Variants in MAP3K7 observed in about 807,000 individuals in gnomAD.
MAP3K7 encodes TGF-beta activated kinase 1.
Under a neutral mutation model 84.8 loss-of-function variants are expected in MAP3K7, and 21 were observed. The ratio of observed to expected loss-of-function variants is 0.25; its 90% confidence interval spans 0.18 to 0.36. The LOEUF (loss-of-function observed/expected upper bound fraction) is 0.36. MAP3K7 is among the 10% of genes least tolerant of loss of function. MAP3K7 has a pLI of 1.00. For missense variants in MAP3K7, 503 were observed against 747.7 expected (o/e 0.67, Z 3.82); for synonymous variants, 241 against 247.7 (o/e 0.97, Z 0.25).
At chr6:90,585,995 AATTT>A (rs1330462803) in intron 1 of MAP3K7, among the ~76,000 whole-genome samples, 1 of 152,224 alleles carries the variant, frequency 6.6e-6, no homozygotes, top group Non-Finnish European at 1.5e-5. Context: ...ATGATCTACT[AATTT>A]AACAAGCATT....
At chr6:90,537,573 G>A (rs1215757605) in intron 12 of MAP3K7, among the ~76,000 whole-genome samples, 2 of 151,970 alleles carry the variant, frequency 1.3e-5, no homozygotes, top group South Asian at 2.1e-4. Flanking sequence ...TCTTGCAAAT[G>A]TAAGACATCA....
At chr6:90,569,880 CT>C (rs1776842538) in intron 2 of MAP3K7, among the ~76,000 whole-genome samples, 1 of 152,152 alleles carries the variant, frequency 6.6e-6, no homozygotes, top group African/African-American at 2.4e-5. Context: ...TCTTCTTCCT[CT>C]TCTCTATTAC....
At chr6:90,582,659 C>T (rs1343641762) in intron 1 of MAP3K7, among the ~76,000 whole-genome samples, 1 of 152,038 alleles carries the variant, frequency 6.6e-6, no homozygotes, top group Non-Finnish European at 1.5e-5. Context: ...CTTTCCCAAC[C>T]CACGATGGTC....
At chr6:90,541,852 A>G (rs986260589) in intron 12 of MAP3K7, among the ~76,000 whole-genome samples, 10 of 152,044 alleles carry the variant, frequency 6.6e-5, no homozygotes, top group African/African-American at 2.2e-4. Flanking sequence ...TTAAAGATAT[A>G]TATACAAAAC....
In MAP3K7 at chr6:90,556,483, T is replaced by C. The variant is rs773227438; in HGVS notation, c.607+17A>G. The stretch of plus-strand genomic sequence containing the variant: ...GTGAGGGAGATTATCAAACATACCA[T>C]ACTTTTGCCATTTTACCTTCAAAAA... On this transcript the variant is annotated intron_variant, in intron 6 of 16. Coordinates refer to ENST00000369329, the MANE Select transcript of MAP3K7 (RefSeq NM_145331.3). The C allele has an allele frequency of 1.9e-6, 3 of 1,608,208 alleles. No individual in the cohort carries two copies. The highest frequency in any genetic ancestry group is 1.7e-4 in the Middle Eastern group (1 of 6,038).
In MAP3K7 at chr6:90,548,147, G is replaced by A. The variant is rs760227252; in HGVS notation, c.980C>T (p.Thr327Met). The change falls in exon 10 of 17, where the codon ACG (threonine) becomes ATG (methionine). Residue 327 changes from threonine to methionine, a missense_variant. This residue lies in a region of MAP3K7 where 286 missense variants were observed against 313.6 expected (regional missense o/e 0.91). Coordinates refer to ENST00000369329, the MANE Select transcript of MAP3K7 (RefSeq NM_145331.3). ...CATATTAGTGTCACTTTTGTTACTC[G>A]TATTTGTAGAAGCAATGTCCATGAA... is the stretch of plus-strand genomic sequence containing the variant. ...GSFMDIASTN[T>M]SNKSDTNMEQ... 10 of 1,611,388 alleles carry A rather than the reference G, an allele frequency of 6.2e-6. No individual in the cohort carries two copies. Among genetic ancestry groups the A allele is most frequent in the East Asian group, 2.2e-5 (1 of 44,674 alleles).
chr6:90,568,507 C>T, intron 3 of MAP3K7, 51 bp downstream of exon 3: 1 of 1,450,530 alleles, frequency 6.9e-7, no homozygotes, highest in Non-Finnish European at 9.5e-7. Context: ...TACACACACA[C>T]ATCTGCCATG....
In MAP3K7 at chr6:90,577,669, T is replaced by C. The variant is rs112880118; in HGVS notation, c.121-5862A>G. Reference sequence around the variant, plus strand: ...AGACGTTCCAGAAGGAAAGCAGATATAAGGACAGTGAAAGCATATGCCAGT... The same window carrying C: ...AGACGTTCCAGAAGGAAAGCAGATACAAGGACAGTGAAAGCATATGCCAGT... On this transcript the variant is annotated intron_variant, in intron 1 of 16. Coordinates refer to ENST00000369329, the MANE Select transcript of MAP3K7 (RefSeq NM_145331.3). Among the ~76,000 whole-genome samples the C allele has an allele frequency of 2.2e-3, 337 of 152,254 alleles. 1 individual carries two copies. Among genetic ancestry groups the C allele is most frequent in the African/African-American group, 7.6e-3 (315 of 41,532 alleles).
At chr6:90,557,561 T>C (rs762255034) in intron 5 of MAP3K7, among the ~76,000 whole-genome samples, 19 of 152,184 alleles carry the variant, frequency 1.2e-4, no homozygotes, top group Non-Finnish European at 2.4e-4. Context: ...CTATATGTAC[T>C]TCAACAAAGC....
rs1165552821 is a variant in MAP3K7 at position 90,514,839 on chromosome 6, A to C, written c.*1662T>G. 1 of 120,278 alleles carries C rather than the reference A, an allele frequency of 8.3e-6. No homozygotes were observed. The highest frequency in any genetic ancestry group is 1.8e-5 in the Non-Finnish European group (1 of 56,406). The allele number at this position is 120,278 out of a possible 1,614,324, so 7.5% of individuals were successfully genotyped here. A position where few individuals can be genotyped will look rare whatever the true frequency, so the allele number is the denominator to read the frequency against. On this transcript the variant is annotated 3_prime_UTR_variant, in exon 17 of 17. Coordinates refer to ENST00000369329, the MANE Select transcript of MAP3K7 (RefSeq NM_145331.3). ...GCTGAATCCAATATCTGTTTCAGCT[A>C]GGTAATCAAATTTGGGAACAATTAA...
intron 13 of MAP3K7, among the ~76,000 whole-genome samples, chr6:90,531,354 G>T (rs1775499241): frequency 6.6e-6 from 1 of 152,084 alleles, no homozygotes; most frequent in South Asian, 2.1e-4. Context: ...AATCTTAGTA[G>T]CTAAAATTAT....
chr6:90,556,449 T>C (rs772654811), intron 6 of MAP3K7, 51 bp downstream of exon 6: 18 of 1,569,612 alleles, frequency 1.1e-5, no homozygotes, highest in Admixed American at 3.9e-5. Context: ...ACATATGAAT[T>C]CACAAGGAGT....
intron 13 of MAP3K7, among the ~76,000 whole-genome samples, chr6:90,533,925 T>G (rs1004571818): frequency 6.6e-6 from 1 of 152,186 alleles, no homozygotes; most frequent in Non-Finnish European, 1.5e-5. Context: ...GCTTCCTGAA[T>G]TAATGAAAAA....
intron 13 of MAP3K7, among the ~76,000 whole-genome samples, chr6:90,535,430 TTAA>T (rs894100248): frequency 2.6e-4 from 40 of 152,036 alleles, no homozygotes; most frequent in African/African-American, 7.5e-4. Context: ...TACTTAATAC[TTAA>T]TAATTTAATA....
chr6:90,554,186 C>A (rs908298610), intron 6 of MAP3K7, among the ~76,000 whole-genome samples: 3 of 152,180 alleles, frequency 2.0e-5, no homozygotes, highest in African/African-American at 7.2e-5. Flanking sequence ...GGATCACAGG[C>A]ATGAGCCATT....
At chr6:90,576,313 CT>C (rs1344722370) in intron 1 of MAP3K7, among the ~76,000 whole-genome samples, 2 of 151,684 alleles carry the variant, frequency 1.3e-5, no homozygotes, top group Non-Finnish European at 2.9e-5. Context: ...ATCCCAGCTA[CT>C]GGGGAGGCTG....
At chr6:90,544,479 A>T in intron 12 of MAP3K7, 73 bp downstream of exon 12, 2 of 1,323,210 alleles carry the variant, frequency 1.5e-6, no homozygotes, top group African/African-American at 1.4e-5. Flanking sequence ...TGGAGCAAGA[A>T]GCATTTTACA....
At chr6:90,537,128 T>C (rs1006955673) in intron 12 of MAP3K7, 1 of 152,048 alleles carries the variant, frequency 6.6e-6, no homozygotes, top group African/African-American at 2.4e-5. Context: ...AGCAAAACAA[T>C]GAATTGAGCA....
At chr6:90,557,845 T>C (rs1355491258) in intron 5 of MAP3K7, among the ~76,000 whole-genome samples, 1 of 152,186 alleles carries the variant, frequency 6.6e-6, no homozygotes, top group Admixed American at 6.5e-5. Context: ...ACTGTTAAGA[T>C]TAAAAACACA....
Sources: gnomAD v4.1 joint callset for allele counts (sites outside exome capture counted in the v4.1 genomes callset) on GRCh38, gnomAD v4.1.1 for gene constraint, gnomAD v4.1.1 regional missense constraint, MANE v1.5 for transcripts, NCBI Gene and HGNC (gene_info 2026-07-23, HGNC 2026-07-21) for gene names.